Variants in FAM47E observed in about 807,000 individuals in gnomAD.
FAM47E encodes the protein family with sequence similarity 47 member E.
Under a neutral mutation model 41.6 loss-of-function variants are expected in FAM47E, and 32 were observed. The observed-to-expected ratio is 0.77, with a 90% CI of 0.58 to 1.03. The LOEUF is 1.03. Ranked by LOEUF, FAM47E falls within the 50% of genes least tolerant of loss-of-function variation. FAM47E has a pLI of 0.00. For missense variants in FAM47E, 424 were observed against 485.4 expected (o/e 0.87, Z 1.19); for synonymous variants, 184 against 188.7 (o/e 0.98, Z 0.20).
chr4:76,258,002 T>A (rs1355025264), intron 2 of FAM47E, among the ~76,000 whole-genome samples: 1 of 152,190 alleles, frequency 6.6e-6, no homozygotes, highest in Admixed American at 6.5e-5. Flanking sequence ...ATCAGTTAAT[T>A]TCTCTCTGGG....
chr4:76,254,997 G>A (rs1734130261), intron 1 of FAM47E, among the ~76,000 whole-genome samples: 1 of 152,098 alleles, frequency 6.6e-6, no homozygotes, highest in Non-Finnish European at 1.5e-5. Flanking sequence ...AGAGGTGGAG[G>A]TTGTGAATGA....
intron 2 of FAM47E, among the ~76,000 whole-genome samples, chr4:76,221,442 C>T (rs889006082): frequency 3.9e-5 from 6 of 152,114 alleles, no homozygotes; most frequent in African/African-American, 1.4e-4. Context: ...CCTCAGCCTC[C>T]CGAGTAGCTG....
intron 6 of FAM47E, chr4:76,279,465 A>G (rs1044536551): frequency 1.3e-5 from 2 of 152,258 alleles, no homozygotes; most frequent in Non-Finnish European, 2.9e-5. Flanking sequence ...AAATGGTTAC[A>G]GTGAGCTAAT....
chr4:76,236,935 A>G (rs1396995945), intron 2 of FAM47E, among the ~76,000 whole-genome samples: 1 of 144,890 alleles, frequency 6.9e-6, no homozygotes, highest in Admixed American at 7.0e-5. Flanking sequence ...TCACTGTGTC[A>G]CCCAGGCTGG....
At chr4:76,253,928 A>G (rs879886221) in intron 1 of FAM47E, among the ~76,000 whole-genome samples, 4 of 152,062 alleles carry the variant, frequency 2.6e-5, no homozygotes, top group Non-Finnish European at 5.9e-5. Context: ...CCTGGGCAAC[A>G]TAGCAAGACC....
chr4:76,278,250 CATCTGAGCTTCAGATGATCACAGTG>C (rs770550675), intron 6 of FAM47E, 26 bp downstream of exon 6: 1 of 1,493,212 alleles, frequency 6.7e-7, no homozygotes, highest in South Asian at 1.4e-5. Context: ...GAGATTTGAT[CATCTGAGCTTCAGATGATCACAGTG>C]CATCTGCCAC....
intron 5 of FAM47E, among the ~76,000 whole-genome samples, chr4:76,277,737 G>C (rs899867487): frequency 6.6e-6 from 1 of 152,080 alleles, no homozygotes; most frequent in Non-Finnish European, 1.5e-5. Context: ...AGCCCTGTGG[G>C]GATGTATACT....
chr4:76,216,830 A>G (rs1195072191), intron 1 of FAM47E, among the ~76,000 whole-genome samples: 1 of 152,250 alleles, frequency 6.6e-6, no homozygotes. Flanking sequence ...GACAGAACAA[A>G]AAGGACCTAA....
chr4:76,246,987 A>G (rs1202585215), upstream of FAM47E, among the ~76,000 whole-genome samples: 1 of 152,132 alleles, frequency 6.6e-6, no homozygotes, highest in Non-Finnish European at 1.5e-5. Context: ...CCATTCTTTT[A>G]AAGTTTATAA....
chr4:76,282,177 T>G (rs1243125110), intron 7 of FAM47E: 4 of 152,208 alleles, frequency 2.6e-5, no homozygotes, highest in African/African-American at 9.6e-5. Flanking sequence ...AACCTATGAT[T>G]AGCAAGATAT....
intron 2 of FAM47E, among the ~76,000 whole-genome samples, chr4:76,222,961 G>A (rs934754750): frequency 2.0e-5 from 3 of 152,270 alleles, no homozygotes; most frequent in Admixed American, 6.5e-5. Context: ...CATGGGAATC[G>A]ACCATGTAGG....
Position 76,251,806 on chromosome 4 carries a change from G to C in FAM47E, c.60G>C (p.Val20=). The change falls in exon 1 of 8, where the codon GTG becomes GTC. Residue 20 remains valine, a synonymous_variant. Transcript: ENST00000424749. The part of the protein sequence containing the change: ...PGTLAPVREG[V]NCRSRCFTKH... ...CGTTGGCCCCGGTGCGCGAGGGCGTGAACTGCAGGTCCAGGTAAACACTCA... is the reference window on the plus strand; with the variant it reads ...CGTTGGCCCCGGTGCGCGAGGGCGTCAACTGCAGGTCCAGGTAAACACTCA... 6.7e-7 allele frequency: 1 copy of C among 1,489,102 alleles called. No homozygotes were observed. The allele number at this position is 1,489,102 out of a possible 1,614,324, so 92.2% of individuals were successfully genotyped here.
upstream of FAM47E, among the ~76,000 whole-genome samples, chr4:76,247,660 T>A (rs113242109): frequency 4.2e-3 from 642 of 152,298 alleles, 3 homozygotes; most frequent in Non-Finnish European, 7.0e-3. Context: ...AAGTAGTATC[T>A]CATTGTGGTT....
At chr4:76,221,422 G>A (rs557348676) in intron 2 of FAM47E, among the ~76,000 whole-genome samples, 19 of 152,180 alleles carry the variant, frequency 1.2e-4, no homozygotes, top group African/African-American at 4.8e-5. Flanking sequence ...GGGTTCAAGC[G>A]GTTCTCCTGC....
intron 2 of FAM47E, among the ~76,000 whole-genome samples, chr4:76,262,034 CT>C (rs1462175453): frequency 3.3e-5 from 5 of 152,048 alleles, no homozygotes; most frequent in African/African-American, 1.2e-4. Flanking sequence ...GATGGTGTTG[CT>C]ACTGGATCAC....
chr4:76,251,925 T>C lies in FAM47E; in HGVS notation c.74+105T>C, dbSNP rs1733981259. The C allele has an allele frequency of 3.1e-6, 4 of 1,310,830 alleles. No homozygotes were observed. The African/African-American group carries it at 4.7e-5, about 15-fold the overall frequency. The allele number at this position is 1,310,830 out of a possible 1,614,324, so 81.2% of individuals were successfully genotyped here. A position where few individuals can be genotyped will look rare whatever the true frequency, so the allele number is the denominator to read the frequency against. ...CGGGGGCGAGGGGAGAGGTCCAGCCTGCCTTCCCTCCTCAATGCTTCCTGT... is the reference window on the plus strand; with the variant it reads ...CGGGGGCGAGGGGAGAGGTCCAGCCCGCCTTCCCTCCTCAATGCTTCCTGT... On this transcript the variant is annotated intron_variant, in intron 1 of 7. Transcript: ENST00000424749.
chr4:76,237,238 T>A (rs1733604942), intron 2 of FAM47E, among the ~76,000 whole-genome samples: 1 of 152,054 alleles, frequency 6.6e-6, no homozygotes, highest in South Asian at 2.1e-4. Context: ...TTGATGTTAA[T>A]GCTGGAAAGG....
chr4:76,249,578 T>TA (rs544482892), upstream of FAM47E, among the ~76,000 whole-genome samples: 218 of 152,158 alleles, frequency 1.4e-3, 1 homozygote, highest in African/African-American at 5.0e-3. Flanking sequence ...TTTATTTATT[T>TA]TTTTTTTGGT....
At chr4:76,244,215 T>A (rs1357621406) in intron 2 of FAM47E, among the ~76,000 whole-genome samples, 1 of 152,150 alleles carries the variant, frequency 6.6e-6, no homozygotes, top group Non-Finnish European at 1.5e-5. Context: ...TGTGCATGTG[T>A]CTTTATAGTA....
Sources: gnomAD v4.1 joint callset for allele counts (sites outside exome capture counted in the v4.1 genomes callset) on GRCh38, gnomAD v4.1.1 for gene constraint, MANE v1.5 for transcripts, NCBI Gene and HGNC (gene_info 2026-07-23, HGNC 2026-07-21) for gene names.